The following GPC5 variants were observed in gnomAD, a reference collection of about 807,000 sequenced individuals.
GPC5 encodes glypican 5.
A neutral mutation model predicts 53.9 loss-of-function variants in GPC5; 47 were observed. The ratio of observed to expected loss-of-function variants is 0.87; its 90% CI spans 0.69 to 1.11. The LOEUF is 1.11. Ranked by LOEUF, GPC5 falls within the 50% of genes most tolerant of loss-of-function variation. GPC5 has a pLI of 0.00. For synonymous variants in GPC5, 286 were observed against 263.3 expected (o/e 1.09, Z -0.84); for missense variants, 748 against 713.1 (o/e 1.05, Z -0.56).
In GPC5 at chr13:91,398,900, C is replaced by A. The variant is rs1876681880; in HGVS notation, c.-147C>A. ...AGAGCTAACTGCTCCCAGGTGAAGC[C>A]GGTGCCCGCGGGCGGTCCGTACACC... On this transcript the variant is annotated 5_prime_UTR_variant, in exon 1 of 8. Transcript: ENST00000377067. 4 of 954,282 alleles carry A rather than the reference C, an allele frequency of 4.2e-6. No homozygotes were observed. Among genetic ancestry groups the A allele is most frequent in the Non-Finnish European group, 6.0e-6 (4 of 670,588 alleles). The allele number at this position is 954,282 out of a possible 1,614,324, so 59.1% of individuals were successfully genotyped here.
chr13:92,764,030 C>T (rs1193755675), intron 7 of GPC5, among the ~76,000 whole-genome samples: 1 of 152,114 alleles, frequency 6.6e-6, no homozygotes, highest in Non-Finnish European at 1.5e-5. Flanking sequence ...GCTGGGCTGT[C>T]CCAGCTCCAC....
At chr13:92,148,381 A>C (rs919306792) in intron 7 of GPC5, among the ~76,000 whole-genome samples, 1 of 152,070 alleles carries the variant, frequency 6.6e-6, no homozygotes, top group Admixed American at 6.6e-5. Flanking sequence ...CGTACCTTTT[A>C]GGTGTCATTT....
chr13:92,233,925 T>C (rs1350136790), intron 7 of GPC5, among the ~76,000 whole-genome samples: 1 of 152,118 alleles, frequency 6.6e-6, no homozygotes, highest in East Asian at 1.9e-4. Context: ...TTTTTGTCCT[T>C]GCGATAGTTT....
At chr13:92,515,685 A>G (rs535740925) in intron 7 of GPC5, among the ~76,000 whole-genome samples, 1 of 152,200 alleles carries the variant, frequency 6.6e-6, no homozygotes, top group African/African-American at 2.4e-5. Context: ...AATAAGACAC[A>G]GTGTAATACT....
intron 7 of GPC5, among the ~76,000 whole-genome samples, chr13:92,271,746 G>T (rs1303160683): frequency 1.3e-5 from 2 of 152,124 alleles, no homozygotes; most frequent in Non-Finnish European, 2.9e-5. Context: ...AAATGAAAAT[G>T]GTGAGTAGGA....
At chr13:92,633,079 C>T (rs868173116) in intron 7 of GPC5, among the ~76,000 whole-genome samples, 1 of 151,964 alleles carries the variant, frequency 6.6e-6, no homozygotes, top group Non-Finnish European at 1.5e-5. Context: ...TTAGTAAAGA[C>T]GGGGTTTCAC....
chr13:91,758,702 G>C (rs1251310171), intron 5 of GPC5, among the ~76,000 whole-genome samples: 2 of 152,154 alleles, frequency 1.3e-5, no homozygotes, highest in Non-Finnish European at 2.9e-5. Flanking sequence ...TTAGCGAAGT[G>C]TGTGATTCTT....
chr13:91,881,774 C>A (rs1486705251), intron 5 of GPC5, among the ~76,000 whole-genome samples: 1 of 152,110 alleles, frequency 6.6e-6, no homozygotes, highest in Non-Finnish European at 1.5e-5. Context: ...CTAAGGTAGC[C>A]CCTATGACCT....
intron 7 of GPC5, among the ~76,000 whole-genome samples, chr13:92,777,193 G>A (rs150111082): frequency 2.6e-5 from 4 of 151,412 alleles, no homozygotes; most frequent in Admixed American, 6.6e-5. Flanking sequence ...AAAACTAGCC[G>A]GGCATGGAGG....
intron 2 of GPC5, among the ~76,000 whole-genome samples, chr13:91,626,466 C>T (rs918194060): frequency 1.3e-5 from 2 of 151,998 alleles, no homozygotes; most frequent in African/African-American, 2.4e-5. Context: ...CAAATGGCTA[C>T]CCTGTATAAA....
chr13:92,281,296 G>T (rs1427031004), intron 7 of GPC5, among the ~76,000 whole-genome samples: 1 of 152,224 alleles, frequency 6.6e-6, no homozygotes, highest in Admixed American at 6.5e-5. Flanking sequence ...AGGCTTGCCT[G>T]CCTCTGTAGA....
rs552740096 is a variant in GPC5, at chr13:91,698,334, G to A, written c.1020+4453G>A. Among the ~76,000 whole-genome samples the A allele has an allele frequency of 6.1e-4, 93 of 151,920 alleles. No homozygotes were observed. The Middle Eastern group carries it at 0.01, about 17-fold the overall frequency. ...TAAAACCTATCAAAAATGACTTTAC[G>A]GTGAATTGTATAATATATACTAACA... On this transcript the variant is annotated intron_variant, in intron 3 of 7. Coordinates refer to ENST00000377067, the MANE Select transcript of GPC5 (RefSeq NM_004466.6).
At chr13:92,489,787 G>A (rs914196673) in intron 7 of GPC5, among the ~76,000 whole-genome samples, 2 of 151,968 alleles carry the variant, frequency 1.3e-5, no homozygotes, top group African/African-American at 4.8e-5. Flanking sequence ...AGACAGAGCT[G>A]GGACTAAGGC....
At chr13:92,069,048 T>C (rs1336196123) in intron 6 of GPC5, among the ~76,000 whole-genome samples, 2 of 152,036 alleles carry the variant, frequency 1.3e-5, no homozygotes, top group Non-Finnish European at 2.9e-5. Context: ...GTGTGTAACA[T>C]AAGGTCAGAA....
chr13:92,463,165 A>G (rs1878562209), intron 7 of GPC5, among the ~76,000 whole-genome samples: 2 of 152,220 alleles, frequency 1.3e-5, no homozygotes, highest in African/African-American at 4.8e-5. Flanking sequence ...TATCAAGATT[A>G]TCCCAAGATT....
intron 6 of GPC5, among the ~76,000 whole-genome samples, chr13:92,085,290 A>G (rs576307855): frequency 9.8e-5 from 15 of 152,360 alleles, no homozygotes; most frequent in East Asian, 3.9e-4. Flanking sequence ...TTGCAAAAAT[A>G]TATTCAAGAA....
intron 7 of GPC5, among the ~76,000 whole-genome samples, chr13:92,242,614 GAA>G (rs1372220004): frequency 6.6e-6 from 1 of 151,894 alleles, no homozygotes; most frequent in Non-Finnish European, 1.5e-5. Context: ...ATAAAATAAA[GAA>G]AGAGTCATGA....
At chr13:91,493,119 A>G (rs1243293425) in intron 2 of GPC5, among the ~76,000 whole-genome samples, 1 of 152,228 alleles carries the variant, frequency 6.6e-6, no homozygotes, top group Non-Finnish European at 1.5e-5. Flanking sequence ...GTTTTGGTCA[A>G]AGCAAGTCCT....
Position 92,675,779 on chromosome 13 carries a change from G to A in GPC5, c.1562-190503G>A, listed in dbSNP as rs115857888. ...TCTTGATGTTTTGTCAAAAACATAT[G>A]TAATATTCATATAGCAGAGCTTTGG... On this transcript the variant is annotated intron_variant, in intron 7 of 7. Coordinates refer to ENST00000377067, the MANE Select transcript of GPC5 (RefSeq NM_004466.6). Among the ~76,000 whole-genome samples, 152 of 152,214 alleles carry A rather than the reference G, an allele frequency of 1.0e-3. 1 individual carries two copies. The highest frequency in any genetic ancestry group is 3.4e-3 in the African/African-American group (141 of 41,542).
Sources: gnomAD v4.1 joint callset for allele counts (sites outside exome capture counted in the v4.1 genomes callset) on GRCh38, gnomAD v4.1.1 for gene constraint, MANE v1.5 for transcripts, NCBI Gene and HGNC (gene_info 2026-07-23, HGNC 2026-07-21) for gene names.